The following EXOC2 variants were observed in gnomAD, a reference collection of about 807,000 sequenced individuals.
The protein encoded by EXOC2 is exocyst complex component 2, also known as SEC5-like 1.
EXOC2 carries 70 observed loss-of-function variants against 131.8 expected under a neutral mutation model. The observed-to-expected ratio is 0.53, with a 90% CI of 0.44 to 0.65. The LOEUF (loss-of-function observed/expected upper bound fraction) is 0.65, where lower values mean the gene tolerates loss of function less well. Among genes scored for constraint, EXOC2 ranks in the 30% least tolerant of loss-of-function variants. The probability of loss-of-function intolerance (pLI) is 0.00; values close to 1 mark genes in which losing one functional copy is unlikely to be tolerated. For synonymous variants in EXOC2, 411 were observed against 398.4 expected, an observed-to-expected ratio of 1.03 and a Z score of -0.38; for missense variants, 923 against 1,108.6, an observed-to-expected ratio of 0.83 and a Z score of 2.38.
intron 11 of EXOC2, among the ~76,000 whole-genome samples, chr6:592,055 A>AG (rs1759569556): frequency 6.6e-6 from 1 of 152,000 alleles, no homozygotes; most frequent in Non-Finnish European, 1.5e-5. Flanking sequence ...TTATTTGGTT[A>AG]GTTACATGTT....
chr6:612,093 T>C (rs1747588), intron 6 of EXOC2, among the ~76,000 whole-genome samples: 142,828 of 152,334 alleles, frequency 0.94, 67,018 homozygotes, highest in East Asian at 1. Context: ...GGCACAGAAG[T>C]ATGTATATGC....
chr6:488,585 TAAA>T (rs758233245), intron 27 of EXOC2, among the ~76,000 whole-genome samples: 90 of 151,034 alleles, frequency 6.0e-4, no homozygotes, highest in Admixed American at 1.3e-3. Flanking sequence ...ACTCAAAAAT[TAAA>T]AAAAAAATCA....
chr6:584,421 T>C (rs955466388), intron 11 of EXOC2, among the ~76,000 whole-genome samples: 10 of 152,248 alleles, frequency 6.6e-5, no homozygotes, highest in African/African-American at 1.7e-4. Context: ...GATTTATGCA[T>C]GTATGTTATG....
intron 25 of EXOC2, among the ~76,000 whole-genome samples, chr6:492,014 CAG>C (rs1440056181): frequency 2.0e-5 from 3 of 152,166 alleles, no homozygotes; most frequent in Non-Finnish European, 2.9e-5. Flanking sequence ...ACACGGATCA[CAG>C]ATCTAAATGT....
chr6:582,160 T>C (rs1758941897), intron 11 of EXOC2, among the ~76,000 whole-genome samples: 1 of 152,194 alleles, frequency 6.6e-6, no homozygotes, highest in African/African-American at 2.4e-5. Flanking sequence ...CCTAGAATTC[T>C]GTAGGACTTC....
At chr6:679,386 A>G (rs1764296506) in intron 1 of EXOC2, 2 of 152,342 alleles carry the variant, frequency 1.3e-5, no homozygotes, top group East Asian at 1.9e-4. Flanking sequence ...ACATCAACTA[A>G]AAGAGGTTCC....
chr6:521,961 T>C lies in EXOC2; in HGVS notation c.2380+10508A>G, dbSNP rs77492505. Among the ~76,000 whole-genome samples the C allele has an allele frequency of 7.9e-5, 12 of 152,236 alleles. No homozygotes were observed. The East Asian group carries it at 1.9e-3, about 24-fold the overall frequency. On this transcript the variant is annotated intron_variant, in intron 23 of 27. Coordinates refer to ENST00000230449, the MANE Select transcript of EXOC2 (RefSeq NM_018303.6). ...TTTGACTTTCTGTTGAAAATAACTA[T>C]TAATATAAAAAACCCAAGGGTAAAT...
intron 22 of EXOC2, among the ~76,000 whole-genome samples, chr6:537,353 C>T (rs1047450367): frequency 2.0e-5 from 3 of 150,370 alleles, no homozygotes; most frequent in Admixed American, 6.6e-5. Context: ...AGTTGACGGC[C>T]GACGGAGCGC....
intron 11 of EXOC2, among the ~76,000 whole-genome samples, chr6:583,264 T>A (rs1310965944): frequency 2.6e-5 from 4 of 152,208 alleles, no homozygotes; most frequent in Non-Finnish European, 4.4e-5. Context: ...TTGACATTCA[T>A]CATCAAAATT....
intron 1 of EXOC2, among the ~76,000 whole-genome samples, chr6:654,803 CAAAAAAAAAAAAAAAAA>C (rs66637987): frequency 0.14 from 4,188 of 29,786 alleles, 246 homozygotes; most frequent in Middle Eastern, 0.53. Flanking sequence ...GACCCTGTCT[CAAAAAAAAAAAAAAAAA>C]AAAAAAAAAA....
intron 22 of EXOC2, among the ~76,000 whole-genome samples, chr6:539,905 T>A (rs564396304): frequency 2.0e-5 from 3 of 152,320 alleles, no homozygotes; most frequent in East Asian, 3.9e-4. Context: ...TCCTTTATAT[T>A]ACTGAACCAC....
intron 26 of EXOC2, among the ~76,000 whole-genome samples, chr6:489,941 C>T (rs1034432618): frequency 2.6e-5 from 4 of 152,202 alleles, no homozygotes; most frequent in African/African-American, 7.2e-5. Context: ...CAGCTGCTCC[C>T]GGGAGGGCGC....
In EXOC2 at chr6:489,035, T is replaced by C; in HGVS notation, c.2625A>G (p.Ser875=). 1 of 1,613,874 alleles carries C rather than the reference T, an allele frequency of 6.2e-7. No individual in the cohort carries two copies. Among genetic ancestry groups the C allele is most frequent in the Non-Finnish European group, 8.5e-7 (1 of 1,179,858 alleles). The change falls in exon 27 of 28, where the codon TCA becomes TCG. Residue 875 remains serine (S), a synonymous_variant. Coordinates refer to ENST00000230449, the MANE Select transcript of EXOC2 (RefSeq NM_018303.6). The stretch of plus-strand genomic sequence containing the variant: ...GGGCTTCCAAAGCCTGCTTAAAACT[T>C]GACCTGAAACACAAACAGCCACACT... ...VAVYLTPESK[S]SFKQALEALP...
chr6:593,364 A>T (rs192079980), intron 10 of EXOC2, among the ~76,000 whole-genome samples: 17 of 152,352 alleles, frequency 1.1e-4, no homozygotes, highest in Admixed American at 9.8e-4. Flanking sequence ...AACTAGCTAA[A>T]TGAGGGCTAA....
intron 17 of EXOC2, 64 bp from the exon 18 acceptor site, chr6:556,628 C>A: frequency 1.9e-6 from 3 of 1,565,698 alleles, no homozygotes; most frequent in Non-Finnish European, 2.6e-6. Context: ...ACATGTTTAA[C>A]ACAAGCGAAT....
chr6:563,877 A>G (rs1757826693), intron 16 of EXOC2, among the ~76,000 whole-genome samples, 156 bp downstream of exon 16: 1 of 152,222 alleles, frequency 6.6e-6, no homozygotes. Context: ...CAAAAAGAAA[A>G]AACACTTATT....
At chr6:489,813 A>G (rs1194115099) in intron 26 of EXOC2, among the ~76,000 whole-genome samples, 2 of 152,186 alleles carry the variant, frequency 1.3e-5, no homozygotes, top group Admixed American at 6.5e-5. Flanking sequence ...AACATCCTCA[A>G]TCTACCAGGA....
intron 22 of EXOC2, among the ~76,000 whole-genome samples, chr6:534,976 A>C (rs998893917): frequency 6.6e-6 from 1 of 152,240 alleles, no homozygotes; most frequent in African/African-American, 2.4e-5. Flanking sequence ...CAAAATCTGC[A>C]AGAGAGAACC....
intron 13 of EXOC2, among the ~76,000 whole-genome samples, chr6:567,655 G>A (rs376771055): frequency 1.4e-4 from 21 of 152,056 alleles, no homozygotes; most frequent in African/African-American, 4.3e-4. Flanking sequence ...GTCTACATAC[G>A]TGTACATGAT....
Sources: gnomAD v4.1 joint callset for allele counts (sites outside exome capture counted in the v4.1 genomes callset) on GRCh38, gnomAD v4.1.1 for gene constraint, MANE v1.5 for transcripts, NCBI Gene and HGNC (gene_info 2026-07-23, HGNC 2026-07-21) for gene names.